Variants in ABL1 observed in about 807,000 individuals in gnomAD.
The protein encoded by ABL1 is ABL proto-oncogene 1, non-receptor tyrosine kinase, also known as tyrosine-protein kinase ABL1.
A neutral mutation model predicts 94.7 loss-of-function variants in ABL1; 11 were observed. That is an observed-to-expected ratio of 0.12 (90% CI 0.07 to 0.19). The LOEUF is 0.19. ABL1 is among the 10% of genes least tolerant of loss of function. The pLI, the probability that ABL1 is intolerant of heterozygous loss-of-function variation, is 1.00. For missense variants in ABL1, 1,082 were observed against 1,489.4 expected (o/e 0.73, Z 4.50); for synonymous variants, 656 against 622.4 (o/e 1.05, Z -0.80).
intron 1 of ABL1, among the ~76,000 whole-genome samples, chr9:130,843,119 T>C (rs1830702623): frequency 6.6e-6 from 1 of 152,212 alleles, no homozygotes. Flanking sequence ...AACTGCACTT[T>C]TCAGTACCTT....
chr9:130,718,128 GC>G (rs1477519747), intron 1 of ABL1, among the ~76,000 whole-genome samples: 4 of 151,696 alleles, frequency 2.6e-5, no homozygotes, highest in Admixed American at 1.3e-4. Flanking sequence ...AACTGGCCTG[GC>G]CAACGTGATG....
At chr9:130,845,991 A>T (rs1190526367) in intron 1 of ABL1, among the ~76,000 whole-genome samples, 1 of 151,776 alleles carries the variant, frequency 6.6e-6, no homozygotes, top group Non-Finnish European at 1.5e-5. Flanking sequence ...TCTTTCCCCC[A>T]CTGCCCTGCC....
chr9:130,735,955 A>ATTTTTTTTTTTT (rs1365601952), intron 1 of ABL1, among the ~76,000 whole-genome samples: 1 of 41,498 alleles, frequency 2.4e-5, no homozygotes, highest in African/African-American at 1.5e-4. Flanking sequence ...ATATATATAT[A>ATTTTTTTTTTTT]TATATATTTT....
At chr9:130,853,957 G>A (rs2132955648) in intron 1 of ABL1, 107 bp from the exon 2 acceptor site, 1 of 1,148,770 alleles carries the variant, frequency 8.7e-7, no homozygotes, top group Middle Eastern at 2.1e-4. Context: ...AAATAGGAAT[G>A]TGTAATGTTG....
chr9:130,771,461 G>C (rs1832250187), intron 1 of ABL1, among the ~76,000 whole-genome samples: 1 of 151,992 alleles, frequency 6.6e-6, no homozygotes, highest in Non-Finnish European at 1.5e-5. Context: ...AGGAACATTT[G>C]TTCTTTCTTA....
At position 130,887,253 on chromosome 9, in the gene ABL1, GA is replaced by G. The variant is rs1831602268; in HGVS notation, c.*1573del. On this transcript the variant is annotated 3_prime_UTR_variant, in exon 11 of 11. Transcript: ENST00000318560. ...AAACTTGTACTTTATTTTTCTGATA[GA>G]AATGGTTTCCTCTGGATCGTTTTAT... 1 of 233,066 alleles carries G rather than the reference GA, an allele frequency of 4.3e-6. No homozygotes were observed. The highest frequency in any genetic ancestry group is 1.8e-4 in the South Asian group (1 of 5,534). 14.4% of individuals were successfully genotyped at this position (233,066 alleles called of 1,614,324 possible).
rs1180557682 is a variant in ABL1, at chr9:130,884,851, C to T, written c.2561C>T (p.Thr854Ile). Reference protein sequence around the residue: ...TPAAAEPVTPTSKAGSGAPGG... With the variant: ...TPAAAEPVTPISKAGSGAPGG... ...GCTGCAGCTGAGCCAGTGACCCCCA[C>T]CAGCAAAGCAGGCTCAGGTGCACCA... The change falls in exon 11 of 11, where the codon ACC (threonine) becomes ATC (isoleucine). Residue 854 changes from threonine (T) to isoleucine (I), a missense_variant. Transcript: ENST00000318560. The surrounding 1 kb of genome is among the most constrained non-coding windows in gnomAD (Gnocchi z 5.6). 1 of 1,605,776 alleles carries T rather than the reference C, an allele frequency of 6.2e-7. No homozygotes were observed. Among genetic ancestry groups the T allele is most frequent in the African/African-American group, 1.3e-5 (1 of 74,862 alleles).
intron 1 of ABL1, among the ~76,000 whole-genome samples, chr9:130,729,550 C>T (rs1564271145): frequency 6.6e-6 from 1 of 152,216 alleles, no homozygotes; most frequent in Non-Finnish European, 1.5e-5. Context: ...TTGGAAGCAA[C>T]ATGCAACTTA....
rs1054486135 is a variant in ABL1, at chr9:130,862,021, C to T, written c.550-742C>T. Among the ~76,000 whole-genome samples, 12 of 152,294 alleles carry T rather than the reference C, an allele frequency of 7.9e-5. No individual in the cohort carries two copies. The highest frequency in any genetic ancestry group is 8.8e-5 in the Non-Finnish European group (6 of 68,032). On this transcript the variant is annotated intron_variant, in intron 3 of 10. Transcript: ENST00000318560. The surrounding 1 kb of genome is among the most constrained non-coding windows in gnomAD (Gnocchi z 5.5). The stretch of plus-strand genomic sequence containing the variant: ...CCTGCTGTAGCTCTCACACGGGGAC[C>T]GAATGCTCTTGTGTCGTAAATCCTT...
At chr9:130,739,611 C>T (rs946550759) in intron 1 of ABL1, among the ~76,000 whole-genome samples, 13 of 152,068 alleles carry the variant, frequency 8.5e-5, no homozygotes, top group African/African-American at 3.1e-4. Flanking sequence ...AAAGTAGGTG[C>T]CCTAAGACCA....
chr9:130,729,785 G>A (rs1456678388), intron 1 of ABL1, among the ~76,000 whole-genome samples: 1 of 151,640 alleles, frequency 6.6e-6, no homozygotes, highest in East Asian at 1.9e-4. Flanking sequence ...GCCCAGGCTG[G>A]AGTGCAGTGG....
At chr9:130,774,796 T>G (rs2250725) in intron 1 of ABL1, among the ~76,000 whole-genome samples, 4,787 of 151,902 alleles carry the variant, frequency 0.032, 88 homozygotes, top group Admixed American at 0.04. Context: ...AAGCTGAGAT[T>G]GCACCACTGC....
intron 8 of ABL1, 105 bp downstream of exon 8, chr9:130,878,672 T>C: frequency 7.3e-7 from 1 of 1,367,092 alleles, no homozygotes. Flanking sequence ...ATGAGCTCTC[T>C]CCATTCCAGT....
At chr9:130,741,075 A>G (rs539917139) in intron 1 of ABL1, among the ~76,000 whole-genome samples, 2 of 152,262 alleles carry the variant, frequency 1.3e-5, no homozygotes, top group East Asian at 1.9e-4. Flanking sequence ...CCACAGGTAC[A>G]TAGACTAAGG....
intron 1 of ABL1, among the ~76,000 whole-genome samples, chr9:130,759,153 A>G (rs1328218079): frequency 6.6e-6 from 1 of 152,200 alleles, no homozygotes; most frequent in South Asian, 2.1e-4. Context: ...ATTTTTGCTG[A>G]TGTGGGACCC....
intron 1 of ABL1, among the ~76,000 whole-genome samples, chr9:130,768,385 C>T (rs374210329): frequency 6.6e-5 from 10 of 152,144 alleles, no homozygotes; most frequent in African/African-American, 9.7e-5. Flanking sequence ...AGAGCAAAGT[C>T]CCCCCAGGAC....
At chr9:130,718,661 G>A (rs531823033) in intron 1 of ABL1, among the ~76,000 whole-genome samples, 1 of 152,038 alleles carries the variant, frequency 6.6e-6, no homozygotes, top group Non-Finnish European at 1.5e-5. Context: ...CAGGTGGATT[G>A]CTTGAGCCCA....
At chr9:130,855,894 GTGGTCCCGA>G (rs1476403837) in intron 3 of ABL1, among the ~76,000 whole-genome samples, 1 of 151,730 alleles carries the variant, frequency 6.6e-6, no homozygotes, top group Non-Finnish European at 1.5e-5. Context: ...GTGTTGATAG[GTGGTCCCGA>G]TGGTGTATGT....
chr9:130,758,756 G>A lies in ABL1; in HGVS notation c.136+44301G>A, dbSNP rs1050873121. On this transcript the variant is annotated intron_variant, in intron 1 of 10. Coordinates refer to the ABL1 transcript ENST00000372348. ...CCCCAATTTATTCAACTTTGGAAGC[G>A]TTGGTTGTGAGATGTGCAGTTGGGT... is the stretch of plus-strand genomic sequence containing the variant. Among the ~76,000 whole-genome samples, 30 of 152,216 alleles carry A rather than the reference G, an allele frequency of 2.0e-4. 1 individual carries two copies. Among genetic ancestry groups the A allele is most frequent in the Admixed American group, 2.0e-4 (3 of 15,280 alleles).
Sources: gnomAD v4.1 joint callset for allele counts (sites outside exome capture counted in the v4.1 genomes callset) on GRCh38, gnomAD v4.1.1 for gene constraint, Gnocchi (gnomAD v3.1) non-coding constraint, MANE v1.5 for transcripts, NCBI Gene and HGNC (gene_info 2026-07-23, HGNC 2026-07-21) for gene names.